GSG1L: variants seen among roughly 807,000 people sequenced by gnomAD.
GSG1L encodes germ cell-specific gene 1-like protein.
A neutral mutation model predicts 42.1 loss-of-function variants in GSG1L; 24 were observed. The observed-to-expected ratio is 0.57, with a 90% confidence interval of 0.41 to 0.80. The LOEUF (loss-of-function observed/expected upper bound fraction) is 0.80, where lower values mean the gene tolerates loss of function less well. Among genes scored for constraint, GSG1L ranks in the 30% least tolerant of loss-of-function variants. The pLI, the probability that GSG1L is intolerant of heterozygous loss-of-function variation, is 0.00. For missense variants in GSG1L, 445 were observed against 472.2 expected, an observed-to-expected ratio of 0.94 and a Z score of 0.53; for synonymous variants, 215 against 203.5, an observed-to-expected ratio of 1.06 and a Z score of -0.48.
intron 1 of GSG1L, among the ~76,000 whole-genome samples, chr16:28,009,020 T>G (rs573621447): frequency 1.4e-4 from 22 of 152,192 alleles, no homozygotes; most frequent in Middle Eastern, 6.8e-3. Context: ...TGTTGGCCAG[T>G]CTGGTCTTGA....
intron 1 of GSG1L, among the ~76,000 whole-genome samples, chr16:28,013,821 T>G (rs986516185): frequency 6.4e-4 from 97 of 152,378 alleles, no homozygotes; most frequent in Non-Finnish European, 3.2e-4. Context: ...ACAGGAGGCA[T>G]GGCCATGCAA....
At chr16:27,928,204 T>C (rs927484065) in intron 2 of GSG1L, among the ~76,000 whole-genome samples, 2 of 152,170 alleles carry the variant, frequency 1.3e-5, no homozygotes, top group Non-Finnish European at 2.9e-5. Flanking sequence ...CCCTATCAGG[T>C]AGGAATTCCT....
intron 1 of GSG1L, among the ~76,000 whole-genome samples, chr16:27,989,373 C>A (rs1449888769): frequency 6.6e-6 from 1 of 152,130 alleles, no homozygotes. Flanking sequence ...GTCTTCTTGA[C>A]CCAAACTAAC....
At chr16:27,844,521 T>G (rs558522597) in intron 4 of GSG1L, among the ~76,000 whole-genome samples, 1 of 152,308 alleles carries the variant, frequency 6.6e-6, no homozygotes, top group South Asian at 2.1e-4. Context: ...ATTCAGTCTC[T>G]GTCACCACCG....
At chr16:28,061,929 T>C (rs978812910) in intron 1 of GSG1L, among the ~76,000 whole-genome samples, 15 of 152,184 alleles carry the variant, frequency 9.9e-5, no homozygotes, top group African/African-American at 3.4e-4. Flanking sequence ...TTCACTGGGT[T>C]CGCTTCACAG....
intron 2 of GSG1L, among the ~76,000 whole-genome samples, chr16:27,906,202 GA>G (rs937980499): frequency 6.6e-6 from 1 of 152,092 alleles, no homozygotes; most frequent in African/African-American, 2.4e-5. Context: ...AAATCCTATG[GA>G]AAAATTAATT....
chr16:27,833,580 A>G (rs930359819), intron 4 of GSG1L, among the ~76,000 whole-genome samples: 20 of 152,186 alleles, frequency 1.3e-4, no homozygotes, highest in African/African-American at 3.6e-4. Context: ...TGAACATAGT[A>G]TATCTACCCA....
intron 2 of GSG1L, among the ~76,000 whole-genome samples, chr16:27,953,603 G>A (rs548486708): frequency 1.3e-5 from 2 of 152,272 alleles, no homozygotes; most frequent in Admixed American, 1.3e-4. Context: ...GATAGGCTGG[G>A]TGCAATGGCT....
intron 2 of GSG1L, among the ~76,000 whole-genome samples, chr16:27,907,839 C>T (rs2084337054): frequency 6.6e-6 from 1 of 150,756 alleles, no homozygotes; most frequent in South Asian, 2.1e-4. Flanking sequence ...TGTGTCCTTT[C>T]TTGTGGTTGC....
intron 2 of GSG1L, among the ~76,000 whole-genome samples, chr16:27,918,996 CCA>C (rs2084492845): frequency 6.6e-6 from 1 of 152,168 alleles, no homozygotes; most frequent in Admixed American, 6.5e-5. Context: ...CAATCCTTCT[CCA>C]CACAGCTGTC....
intron 2 of GSG1L, among the ~76,000 whole-genome samples, chr16:27,888,464 C>G (rs1157106615): frequency 1.8e-4 from 2 of 10,980 alleles, no homozygotes; most frequent in Non-Finnish European, 5.9e-4. Flanking sequence ...TTCTTTCTTT[C>G]TCTCTCTCTC....
chr16:27,919,379 C>T (rs2084498843), intron 2 of GSG1L, among the ~76,000 whole-genome samples: 1 of 152,168 alleles, frequency 6.6e-6, no homozygotes, highest in Non-Finnish European at 1.5e-5. Context: ...TCCTACCATT[C>T]TCCCCTTACC....
chr16:28,027,104 G>T (rs2085908642), intron 1 of GSG1L, among the ~76,000 whole-genome samples: 1 of 152,088 alleles, frequency 6.6e-6, no homozygotes, highest in Non-Finnish European at 1.5e-5. Context: ...GTGGAGGGGG[G>T]AATTAATAAT....
chr16:28,005,884 T>C (rs565901948), intron 1 of GSG1L, among the ~76,000 whole-genome samples: 1 of 152,318 alleles, frequency 6.6e-6, no homozygotes, highest in Non-Finnish European at 1.5e-5. Context: ...TTGGAAGCTG[T>C]AAATATGTTA....
At chr16:27,828,703 T>G in intron 5 of GSG1L, 86 bp downstream of exon 5, 1 of 1,363,672 alleles carries the variant, frequency 7.3e-7, no homozygotes, top group Non-Finnish European at 1.0e-6. Flanking sequence ...CATTCCAGTT[T>G]TTGACTGGGG....
intron 2 of GSG1L, among the ~76,000 whole-genome samples, chr16:27,962,779 C>T (rs1032872607): frequency 2.0e-5 from 3 of 152,174 alleles, no homozygotes; most frequent in Non-Finnish European, 4.4e-5. Context: ...AAAGGCCAGG[C>T]ACCTGGCTTC....
intron 3 of GSG1L, among the ~76,000 whole-genome samples, chr16:27,850,023 CTTTTTTTTTT>C (rs57543425): frequency 5.7e-5 from 4 of 70,070 alleles, no homozygotes; most frequent in Admixed American, 2.3e-4. Flanking sequence ...TTTGAAATGC[CTTTTTTTTTT>C]TTTTTTTTTT....
chr16:27,787,898 A>T lies in GSG1L; in HGVS notation c.*3472T>A, dbSNP rs1003638791. 3 of 152,154 alleles carry T rather than the reference A, an allele frequency of 2.0e-5. No homozygotes were observed. Among genetic ancestry groups the T allele is most frequent in the Non-Finnish European group, 4.4e-5 (3 of 68,036 alleles). 9.4% of individuals were successfully genotyped at this position (152,154 alleles called of 1,614,324 possible). ...CTCTCTTGCATGAGGCCAAAGCCCA[A>T]ATTCCTTGTTCTGACATTCAAGGCC... On this transcript the variant is annotated 3_prime_UTR_variant, in exon 7 of 7. Coordinates refer to ENST00000447459, the MANE Select transcript of GSG1L (RefSeq NM_001109763.2).
At chr16:27,979,662 AGAGAGAG>A (rs2085293547) in intron 1 of GSG1L, among the ~76,000 whole-genome samples, 1 of 45,040 alleles carries the variant, frequency 2.2e-5, no homozygotes, top group African/African-American at 9.0e-5. Flanking sequence ...AAAGAAAGAA[AGAGAGAG>A]AGAGAGAGAG....
Sources: allele counts gnomAD v4.1 joint callset (sites outside exome capture counted in the v4.1 genomes callset), GRCh38; gene constraint gnomAD v4.1.1; transcripts MANE v1.5; gene names NCBI Gene and HGNC (gene_info 2026-07-23, HGNC 2026-07-21).